KCNH5: variants seen among roughly 807,000 people sequenced by gnomAD.
KCNH5 encodes the protein voltage-gated delayed rectifier potassium channel KCNH5.
A neutral mutation model predicts 96.1 loss-of-function variants in KCNH5; 46 were observed. The ratio of observed to expected loss-of-function variants is 0.48; its 90% confidence interval spans 0.38 to 0.61. The LOEUF (loss-of-function observed/expected upper bound fraction) is 0.61, where lower values mean the gene tolerates loss of function less well. Ranked by LOEUF, KCNH5 falls within the 20% of genes least tolerant of loss-of-function variation. KCNH5 has a pLI of 0.00. For missense variants in KCNH5, 907 were observed against 1,225.8 expected (o/e 0.74, Z 3.88); for synonymous variants, 439 against 449.8 (o/e 0.98, Z 0.30).
chr14:62,910,771 G>C (rs370583487), intron 7 of KCNH5, among the ~76,000 whole-genome samples: 2 of 152,000 alleles, frequency 1.3e-5, no homozygotes, highest in Non-Finnish European at 1.5e-5. Context: ...TCACAGTTTT[G>C]CACCGGTGTT....
intron 8 of KCNH5, among the ~76,000 whole-genome samples, chr14:62,832,270 G>A (rs1336221836): frequency 1.3e-5 from 2 of 152,030 alleles, no homozygotes; most frequent in East Asian, 3.8e-4. Flanking sequence ...ACTGAAACTT[G>A]TATGCATTGA....
intron 7 of KCNH5, among the ~76,000 whole-genome samples, chr14:62,929,317 C>T (rs533542907): frequency 6.6e-6 from 1 of 152,190 alleles, no homozygotes. Flanking sequence ...AAACCAACAT[C>T]GTCTTTCACT....
At chr14:62,741,677 G>A (rs978817871) in intron 10 of KCNH5, among the ~76,000 whole-genome samples, 3 of 151,962 alleles carry the variant, frequency 2.0e-5, no homozygotes, top group African/African-American at 7.2e-5. Flanking sequence ...AGAAATTTTG[G>A]CTAGTAAAAG....
At chr14:62,833,297 A>G (rs1407211162) in intron 8 of KCNH5, among the ~76,000 whole-genome samples, 1 of 151,908 alleles carries the variant, frequency 6.6e-6, no homozygotes, top group Non-Finnish European at 1.5e-5. Flanking sequence ...TAAGTCTTTA[A>G]TCCATTTTGT....
chr14:62,751,786 T>TA (rs1885505178), intron 10 of KCNH5, among the ~76,000 whole-genome samples: 2 of 152,162 alleles, frequency 1.3e-5, no homozygotes, highest in Non-Finnish European at 2.9e-5. Flanking sequence ...TCCCTGTTAT[T>TA]AAAAACTAAA....
intron 9 of KCNH5, among the ~76,000 whole-genome samples, chr14:62,798,012 C>T (rs1443292171): frequency 2.0e-5 from 3 of 152,174 alleles, no homozygotes; most frequent in Non-Finnish European, 2.9e-5. Flanking sequence ...CCACCATGCC[C>T]AGCCTACAAT....
At chr14:62,990,089 T>C (rs892383057) in intron 4 of KCNH5, among the ~76,000 whole-genome samples, 3 of 151,982 alleles carry the variant, frequency 2.0e-5, no homozygotes, top group Non-Finnish European at 4.4e-5. Context: ...AAGCCCACTT[T>C]CGTTCCCTGT....
chr14:62,738,970 C>T (rs1057346773), intron 10 of KCNH5, among the ~76,000 whole-genome samples: 15 of 152,064 alleles, frequency 9.9e-5, no homozygotes, highest in Non-Finnish European at 1.0e-4. Flanking sequence ...AGGACTTCAA[C>T]AGGCAGAGAA....
chr14:62,944,268 GAA>G (rs762068346), intron 7 of KCNH5, among the ~76,000 whole-genome samples: 5 of 152,064 alleles, frequency 3.3e-5, no homozygotes, highest in South Asian at 2.1e-4. Flanking sequence ...ACTTTCTCGA[GAA>G]AAAGAGTCTA....
chr14:62,875,255 G>A (rs573092606), intron 7 of KCNH5, among the ~76,000 whole-genome samples: 2 of 151,418 alleles, frequency 1.3e-5, no homozygotes, highest in East Asian at 3.9e-4. Flanking sequence ...TCGTGAAAAT[G>A]GCCATACTGC....
chr14:62,906,329 G>C (rs1889027194), intron 7 of KCNH5, among the ~76,000 whole-genome samples: 1 of 152,146 alleles, frequency 6.6e-6, no homozygotes, highest in African/African-American at 2.4e-5. Flanking sequence ...TTGGTGCTGT[G>C]AGAATATAGA....
intron 1 of KCNH5, among the ~76,000 whole-genome samples, chr14:63,019,630 A>G (rs2139610575): frequency 6.6e-6 from 1 of 152,178 alleles, no homozygotes; most frequent in East Asian, 1.9e-4. Context: ...CTAGATATCC[A>G]TATGAGCAAA....
At chr14:62,957,832 C>T (rs1432282448) in intron 6 of KCNH5, among the ~76,000 whole-genome samples, 1 of 152,176 alleles carries the variant, frequency 6.6e-6, no homozygotes, top group African/African-American at 2.4e-5. Flanking sequence ...AGCGGCTGAC[C>T]ACAGATGCAT....
intron 10 of KCNH5, among the ~76,000 whole-genome samples, chr14:62,725,297 C>T (rs1450749146): frequency 6.6e-6 from 1 of 152,190 alleles, no homozygotes; most frequent in East Asian, 1.9e-4. Flanking sequence ...CTCCCACTGT[C>T]ATATTCTACT....
At chr14:62,736,847 C>T (rs541682910) in intron 10 of KCNH5, among the ~76,000 whole-genome samples, 15 of 152,260 alleles carry the variant, frequency 9.9e-5, no homozygotes, top group South Asian at 8.3e-4. Context: ...TTAACTCTTA[C>T]GCTTACAGTG....
rs947187170 is a variant in KCNH5 at position 62,798,793 on chromosome 14, A to G, written c.1822+3536T>C. 6.6e-5 allele frequency among the ~76,000 whole-genome samples: 10 copies of G among 152,362 alleles called. No homozygotes were observed. The South Asian group carries it at 1.4e-3, about 22-fold the overall frequency. ...CCTTAGCACTTTTGACACACTAAAG[A>G]ATTACGTGCCTATCGAGAGACTGTT... On this transcript the variant is annotated intron_variant, in intron 9 of 10. Coordinates refer to ENST00000322893, the MANE Select transcript of KCNH5 (RefSeq NM_139318.5).
intron 8 of KCNH5, among the ~76,000 whole-genome samples, chr14:62,813,216 T>C (rs1886907415): frequency 6.6e-6 from 1 of 152,236 alleles, no homozygotes; most frequent in Admixed American, 6.6e-5. Context: ...CTCTCTTTAA[T>C]CTTCCAAATG....
At chr14:62,760,831 A>C (rs779708580) in intron 10 of KCNH5, among the ~76,000 whole-genome samples, 2 of 152,250 alleles carry the variant, frequency 1.3e-5, no homozygotes, top group African/African-American at 2.4e-5. Flanking sequence ...TAAAAAAGAC[A>C]TTGCAGCAAG....
intron 10 of KCNH5, among the ~76,000 whole-genome samples, chr14:62,764,022 C>G (rs8010787): frequency 0.028 from 4,268 of 152,238 alleles, 160 homozygotes; most frequent in East Asian, 0.092. Context: ...CTAACTCATT[C>G]TATGAGGCTA....
Sources: gnomAD v4.1 joint callset for allele counts (sites outside exome capture counted in the v4.1 genomes callset) on GRCh38, gnomAD v4.1.1 for gene constraint, MANE v1.5 for transcripts, NCBI Gene and HGNC (gene_info 2026-07-23, HGNC 2026-07-21) for gene names.